The following PTCHD4 variants were observed in gnomAD, a reference collection of about 807,000 sequenced individuals.
PTCHD4 encodes patched domain containing 4, also known as patched domain-containing protein 4.
Under a neutral mutation model 58.1 loss-of-function variants are expected in PTCHD4, and 33 were observed. That is an observed-to-expected ratio of 0.57 (90% CI 0.43 to 0.76). The LOEUF (loss-of-function observed/expected upper bound fraction) is 0.76, where lower values mean the gene tolerates loss of function less well. Among genes scored for constraint, PTCHD4 ranks in the 30% least tolerant of loss-of-function variants. PTCHD4 has a pLI of 0.00. For synonymous variants in PTCHD4, 478 were observed against 409.6 expected (o/e 1.17, Z -2.02); for missense variants, 1,058 against 1,027.1 (o/e 1.03, Z -0.41).
intron 4 of PTCHD4, among the ~76,000 whole-genome samples, chr6:47,973,892 C>T (rs1421973866): frequency 6.6e-6 from 1 of 152,144 alleles, no homozygotes; most frequent in African/African-American, 2.4e-5. Context: ...TAAGCATATA[C>T]CATCCTTTTA....
chr6:47,957,731 G>C (rs1020648488), intron 4 of PTCHD4, among the ~76,000 whole-genome samples: 9 of 151,638 alleles, frequency 5.9e-5, no homozygotes, highest in Admixed American at 5.3e-4. Flanking sequence ...ATCTAGAGTA[G>C]CTGGGACTAT....
intron 4 of PTCHD4, among the ~76,000 whole-genome samples, chr6:47,996,690 C>T (rs962448146): frequency 7.9e-5 from 12 of 152,186 alleles, no homozygotes; most frequent in South Asian, 2.1e-4. Flanking sequence ...AATAAGGAAT[C>T]CATATTCATA....
At chr6:47,889,893 A>G (rs867227957) in intron 4 of PTCHD4, among the ~76,000 whole-genome samples, 1 of 152,118 alleles carries the variant, frequency 6.6e-6, no homozygotes, top group Admixed American at 6.6e-5. Context: ...ACAGCAAAAT[A>G]AACTACCATC....
At chr6:47,932,177 A>C (rs1765845954) in intron 4 of PTCHD4, among the ~76,000 whole-genome samples, 1 of 152,198 alleles carries the variant, frequency 6.6e-6, no homozygotes, top group Non-Finnish European at 1.5e-5. Flanking sequence ...CTCTGTAGCC[A>C]GCTGATTTCC....
At position 47,878,195 on chromosome 6, in the gene PTCHD4, C is replaced by T; in HGVS notation, c.*108G>A. 1.1e-6 allele frequency: 1 copy of T among 948,070 alleles called. No homozygotes were observed. Among genetic ancestry groups the T allele is most frequent in the Non-Finnish European group, 1.6e-6 (1 of 625,386 alleles). 58.7% of individuals were successfully genotyped at this position (948,070 alleles called of 1,614,324 possible). ...CATGAATAATGCACTCTTGATCTGA[C>T]TTGCCTTGTTACCCCTGGCCAGCCC... is the stretch of plus-strand genomic sequence containing the variant. On this transcript the variant is annotated 3_prime_UTR_variant, in exon 5 of 5. Transcript: ENST00000339488.
At chr6:48,063,077 T>C (rs537004433) in intron 3 of PTCHD4, among the ~76,000 whole-genome samples, 6 of 151,068 alleles carry the variant, frequency 4.0e-5, no homozygotes, top group African/African-American at 1.5e-4. Context: ...ATCCCATAAA[T>C]TTTTTTTTTC....
At chr6:47,890,854 G>A in intron 4 of PTCHD4, 1 of 973,390 alleles carries the variant, frequency 1.0e-6, no homozygotes, top group Non-Finnish European at 1.2e-6. Flanking sequence ...CTGCTAAATA[G>A]CCACTATCAG....
intron 4 of PTCHD4, among the ~76,000 whole-genome samples, chr6:47,949,800 A>G (rs1243437721): frequency 6.6e-6 from 1 of 152,002 alleles, no homozygotes; most frequent in African/African-American, 2.4e-5. Context: ...AGTCTTTTAT[A>G]CAACCCCAGT....
intron 1 of PTCHD4, among the ~76,000 whole-genome samples, chr6:48,079,858 A>G (rs1032236879): frequency 3.0e-4 from 46 of 151,776 alleles, no homozygotes; most frequent in African/African-American, 1.1e-3. Flanking sequence ...TTCCCATTCA[A>G]TATTATAGTA....
chr6:48,073,306 C>T (rs1292271907), intron 1 of PTCHD4, among the ~76,000 whole-genome samples: 1 of 152,060 alleles, frequency 6.6e-6, no homozygotes, highest in Non-Finnish European at 1.5e-5. Context: ...GATGAGACAC[C>T]AGAGAAAACT....
At chr6:47,996,829 T>C (rs570394940) in intron 4 of PTCHD4, among the ~76,000 whole-genome samples, 3 of 152,352 alleles carry the variant, frequency 2.0e-5, no homozygotes, top group Admixed American at 2.0e-4. Context: ...TCAATGGCTT[T>C]GTTTAAAAGC....
chr6:48,104,391 A>G (rs1426156945), intron 1 of PTCHD4, among the ~76,000 whole-genome samples: 1 of 152,184 alleles, frequency 6.6e-6, no homozygotes, highest in Non-Finnish European at 1.5e-5. Context: ...CTTTACAGAC[A>G]AGCAAATGCT....
chr6:48,004,276 G>A (rs531650969), intron 4 of PTCHD4, among the ~76,000 whole-genome samples: 5 of 152,070 alleles, frequency 3.3e-5, no homozygotes, highest in African/African-American at 7.2e-5. Flanking sequence ...TGCAAAAAAC[G>A]AGTCATCACT....
At chr6:48,031,371 T>C (rs1763431884) in intron 3 of PTCHD4, among the ~76,000 whole-genome samples, 1 of 152,130 alleles carries the variant, frequency 6.6e-6, no homozygotes. Context: ...TCTGCCCATG[T>C]TGTACTCAGC....
chr6:48,101,883 G>A (rs1765610538), intron 1 of PTCHD4, among the ~76,000 whole-genome samples: 1 of 152,132 alleles, frequency 6.6e-6, no homozygotes, highest in South Asian at 2.1e-4. Context: ...GGTGCGGTTG[G>A]ATGAAGGGAT....
At chr6:47,935,139 T>C (rs929103834) in intron 4 of PTCHD4, among the ~76,000 whole-genome samples, 1 of 152,214 alleles carries the variant, frequency 6.6e-6, no homozygotes, top group Non-Finnish European at 1.5e-5. Context: ...GGGCTCTTGT[T>C]ATAAAATCAG....
At chr6:47,992,327 G>T (rs895286288) in intron 4 of PTCHD4, among the ~76,000 whole-genome samples, 3 of 151,898 alleles carry the variant, frequency 2.0e-5, no homozygotes, top group Non-Finnish European at 4.4e-5. Flanking sequence ...ACATATGCAC[G>T]CACGTAATAA....
In PTCHD4 at chr6:48,096,626, A is replaced by G. The variant is rs183320771; in HGVS notation, c.-970+14423T>C. Reference sequence around the variant, plus strand: ...GACTCTGCCTAAAAAAAAAAAAAAAAGAAATAAAGAAATTCATTGTGCCAT... The same window carrying G: ...GACTCTGCCTAAAAAAAAAAAAAAAGGAAATAAAGAAATTCATTGTGCCAT... On this transcript the variant is annotated intron_variant, in intron 1 of 4. Coordinates refer to ENST00000339488, the MANE Select transcript of PTCHD4 (RefSeq NM_001384253.1). Among the ~76,000 whole-genome samples the G allele has an allele frequency of 3.5e-3, 533 of 151,066 alleles. 4 individuals carry two copies. Among genetic ancestry groups the G allele is most frequent in the Middle Eastern group, 0.021 (6 of 290 alleles).
intron 4 of PTCHD4, among the ~76,000 whole-genome samples, chr6:47,951,049 G>C (rs184250208): frequency 6.6e-6 from 1 of 152,282 alleles, no homozygotes; most frequent in East Asian, 1.9e-4. Flanking sequence ...CAAGGATTTT[G>C]CAATAAATGT....
Sources: gnomAD v4.1 joint callset for allele counts (sites outside exome capture counted in the v4.1 genomes callset) on GRCh38, gnomAD v4.1.1 for gene constraint, MANE v1.5 for transcripts, NCBI Gene and HGNC (gene_info 2026-07-23, HGNC 2026-07-21) for gene names.